ARHGEF26: variants seen among roughly 807,000 people sequenced by gnomAD.
ARHGEF26 encodes Rho guanine nucleotide exchange factor (GEF) 26.
ARHGEF26 carries 59 observed loss-of-function variants against 89.4 expected under a neutral mutation model. The ratio of observed to expected loss-of-function variants is 0.66; its 90% confidence interval spans 0.54 to 0.82. The LOEUF is 0.82. ARHGEF26 is among the 40% of genes least tolerant of loss of function. The probability of loss-of-function intolerance (pLI) is 0.00; values close to 1 mark genes in which losing one functional copy is unlikely to be tolerated. For missense variants in ARHGEF26, 1,234 were observed against 1,085.6 expected, an observed-to-expected ratio of 1.14 and a Z score of -1.92; for synonymous variants, 500 against 428.4, an observed-to-expected ratio of 1.17 and a Z score of -2.06.
intron 11 of ARHGEF26, among the ~76,000 whole-genome samples, chr3:154,227,534 G>A (rs1214190014): frequency 6.6e-6 from 1 of 152,148 alleles, no homozygotes; most frequent in Non-Finnish European, 1.5e-5. Flanking sequence ...GCCTGCCTCA[G>A]CTTCCTAAAG....
intron 6 of ARHGEF26, among the ~76,000 whole-genome samples, chr3:154,170,934 G>T (rs1055634054): frequency 1.3e-5 from 2 of 152,182 alleles, no homozygotes; most frequent in Non-Finnish European, 2.9e-5. Flanking sequence ...GTAAATACCT[G>T]TTGGGACGAT....
chr3:154,217,800 G>A, intron 9 of ARHGEF26, 69 bp from the exon 10 acceptor site: 1 of 1,184,132 alleles, frequency 8.4e-7, no homozygotes, highest in South Asian at 1.3e-5. Context: ...TTTCCTGTGA[G>A]AGTTCTGCTT....
At chr3:154,158,259 G>C (rs1248459367) in intron 6 of ARHGEF26, among the ~76,000 whole-genome samples, 1 of 152,208 alleles carries the variant, frequency 6.6e-6, no homozygotes, top group Admixed American at 6.5e-5. Context: ...AGTTAAATAG[G>C]ATAAGAGGAA....
chr3:154,223,585 A>G (rs1716273558), intron 10 of ARHGEF26, among the ~76,000 whole-genome samples: 1 of 152,186 alleles, frequency 6.6e-6, no homozygotes, highest in South Asian at 2.1e-4. Flanking sequence ...AGAGAAACCA[A>G]ATTCAAAGAT....
intron 5 of ARHGEF26, among the ~76,000 whole-genome samples, chr3:154,152,266 A>G (rs1299859321): frequency 6.6e-6 from 1 of 152,208 alleles, no homozygotes; most frequent in Non-Finnish European, 1.5e-5. Flanking sequence ...TTGACTGAAA[A>G]TTAGTCAGAT....
At chr3:154,136,779 G>T (rs1184997202) in intron 4 of ARHGEF26, among the ~76,000 whole-genome samples, 1 of 152,268 alleles carries the variant, frequency 6.6e-6, no homozygotes, top group African/African-American at 2.4e-5. Context: ...AGTAATTTCT[G>T]TAGTTTTATA....
chr3:154,194,852 C>A (rs12330779), intron 9 of ARHGEF26, 134 bp downstream of exon 9: 143,843 of 712,848 alleles, frequency 0.2, 16,463 homozygotes, highest in South Asian at 0.36. Flanking sequence ...TAGGTAGTTG[C>A]AAAACAAAAT....
At chr3:154,226,258 A>G (rs1716482721) in intron 11 of ARHGEF26, among the ~76,000 whole-genome samples, 4 of 152,152 alleles carry the variant, frequency 2.6e-5, no homozygotes, top group Non-Finnish European at 5.9e-5. Context: ...TTACACATTT[A>G]TATCATTCAA....
chr3:154,124,316 T>A, intron 2 of ARHGEF26, 94 bp from the exon 3 acceptor site: 1 of 864,366 alleles, frequency 1.2e-6, no homozygotes, highest in Non-Finnish European at 1.7e-6. Flanking sequence ...AAAAAGTATT[T>A]TTACTTAAAA....
intron 10 of ARHGEF26, among the ~76,000 whole-genome samples, chr3:154,222,039 A>T (rs554325492): frequency 2.6e-5 from 4 of 152,208 alleles, no homozygotes; most frequent in Non-Finnish European, 5.9e-5. Context: ...CCTATAATGT[A>T]CCCTTATTAT....
intron 6 of ARHGEF26, among the ~76,000 whole-genome samples, chr3:154,179,522 C>A (rs1576743241): frequency 6.9e-6 from 1 of 145,312 alleles, no homozygotes. Flanking sequence ...ACAGAGAGGG[C>A]TAGCCTCTCT....
intron 5 of ARHGEF26, among the ~76,000 whole-genome samples, chr3:154,152,245 A>G (rs960043782): frequency 1.3e-5 from 2 of 152,210 alleles, no homozygotes; most frequent in African/African-American, 2.4e-5. Flanking sequence ...ATACCAGAAT[A>G]TTTGCTGTTA....
At chr3:154,205,482 T>C (rs1042175741) in intron 9 of ARHGEF26, among the ~76,000 whole-genome samples, 1 of 152,176 alleles carries the variant, frequency 6.6e-6, no homozygotes, top group African/African-American at 2.4e-5. Context: ...TGTCTTTTGA[T>C]TAGAGAGTTT....
chr3:154,199,224 C>T (rs1353668868), intron 9 of ARHGEF26, among the ~76,000 whole-genome samples: 2 of 151,914 alleles, frequency 1.3e-5, no homozygotes, highest in Non-Finnish European at 2.9e-5. Context: ...GACTACCCTT[C>T]CTAGCCTCTG....
At chr3:154,234,624 TCA>T (rs1450681935) in intron 11 of ARHGEF26, among the ~76,000 whole-genome samples, 1 of 152,194 alleles carries the variant, frequency 6.6e-6, no homozygotes, top group Non-Finnish European at 1.5e-5. Context: ...ATTTGAAATG[TCA>T]CCTCTATATC....
intron 6 of ARHGEF26, among the ~76,000 whole-genome samples, chr3:154,166,251 C>T (rs945102968): frequency 3.3e-5 from 5 of 152,162 alleles, no homozygotes; most frequent in Admixed American, 2.6e-4. Flanking sequence ...GGGGTTTCAC[C>T]ATGTTAGCCA....
At chr3:154,125,711 G>A (rs1196962951) in intron 3 of ARHGEF26, among the ~76,000 whole-genome samples, 4 of 152,014 alleles carry the variant, frequency 2.6e-5, no homozygotes, top group East Asian at 1.9e-4. Flanking sequence ...CTAGTTTTAC[G>A]TTATTTCCTT....
intron 4 of ARHGEF26, among the ~76,000 whole-genome samples, chr3:154,138,920 T>C (rs193257111): frequency 4.7e-4 from 72 of 152,332 alleles, no homozygotes; most frequent in African/African-American, 1.7e-3. Context: ...AATCATCCCA[T>C]AGATAAATGC....
At chr3:154,123,218 C>T in intron 2 of ARHGEF26, 143 bp downstream of exon 2, 1 of 1,255,748 alleles carries the variant, frequency 8.0e-7, no homozygotes, top group South Asian at 1.5e-5. Context: ...AGTGTACATC[C>T]AGCTCTTGGC....
Sources: gnomAD v4.1 joint callset for allele counts (sites outside exome capture counted in the v4.1 genomes callset) on GRCh38, gnomAD v4.1.1 for gene constraint, MANE v1.5 for transcripts, NCBI Gene and HGNC (gene_info 2026-07-23, HGNC 2026-07-21) for gene names.